Variants in SH3PXD2A observed in about 807,000 individuals in gnomAD.
SH3PXD2A encodes the protein SH3 and PX domains 2A.
SH3PXD2A carries 32 observed loss-of-function variants against 115.2 expected under a neutral mutation model. The ratio of observed to expected loss-of-function variants is 0.28; its 90% CI spans 0.21 to 0.37. The LOEUF (loss-of-function observed/expected upper bound fraction) is 0.37. Ranked by LOEUF, SH3PXD2A falls within the 10% of genes least tolerant of loss-of-function variation. SH3PXD2A has a pLI of 1.00. For missense variants in SH3PXD2A, 1,328 were observed against 1,498.7 expected (o/e 0.89, Z 1.88); for synonymous variants, 610 against 629.1 (o/e 0.97, Z 0.45).
At chr10:103,610,113 A>C (rs1422085630) in intron 13 of SH3PXD2A, 1 of 152,284 alleles carries the variant, frequency 6.6e-6, no homozygotes, top group African/African-American at 2.4e-5. Flanking sequence ...TGCATGTCCT[A>C]ACCCCACCAG....
chr10:103,642,055 T>G (rs1315291888), intron 8 of SH3PXD2A, among the ~76,000 whole-genome samples: 4 of 152,092 alleles, frequency 2.6e-5, no homozygotes, highest in African/African-American at 9.7e-5. Context: ...CAAAATGTAC[T>G]TAATACCCCC....
intron 2 of SH3PXD2A, among the ~76,000 whole-genome samples, chr10:103,779,399 C>T (rs1263027222): frequency 6.6e-6 from 1 of 152,224 alleles, no homozygotes; most frequent in Non-Finnish European, 1.5e-5. Context: ...CCCCGTGTGC[C>T]AGCCCCGGCT....
chr10:103,772,368 C>T (rs1394762448), intron 2 of SH3PXD2A, among the ~76,000 whole-genome samples: 4 of 152,194 alleles, frequency 2.6e-5, no homozygotes, highest in African/African-American at 9.6e-5. Context: ...GAAGGCTGGG[C>T]GCGGGGGCGG....
intron 1 of SH3PXD2A, among the ~76,000 whole-genome samples, chr10:103,825,985 A>G (rs895556409): frequency 8.6e-5 from 13 of 152,008 alleles, no homozygotes; most frequent in Non-Finnish European, 1.6e-4. Context: ...GGATGGTCTC[A>G]ATCTCCTGAC....
intron 5 of SH3PXD2A, among the ~76,000 whole-genome samples, chr10:103,716,252 C>T (rs2038103655): frequency 6.6e-6 from 1 of 152,190 alleles, no homozygotes; most frequent in African/African-American, 2.4e-5. Context: ...CCCCTTTTGG[C>T]CTGCCCTGGG....
chr10:103,691,105 G>T (rs575465379), intron 6 of SH3PXD2A, among the ~76,000 whole-genome samples: 18 of 151,832 alleles, frequency 1.2e-4, no homozygotes, highest in South Asian at 2.1e-4. Flanking sequence ...ATTTGTTCCA[G>T]CTCTTGCCTT....
chr10:103,662,390 T>TC (rs996518185), intron 7 of SH3PXD2A, among the ~76,000 whole-genome samples: 11 of 121,646 alleles, frequency 9.0e-5, no homozygotes, highest in South Asian at 3.0e-4. Flanking sequence ...GATGTGCTTT[T>TC]TTTTTTTTTT....
At chr10:103,823,837 G>A (rs983920747) in intron 1 of SH3PXD2A, among the ~76,000 whole-genome samples, 13 of 152,206 alleles carry the variant, frequency 8.5e-5, no homozygotes, top group Non-Finnish European at 1.6e-4. Context: ...GCTGAGATGA[G>A]GGAAAGAAGG....
At chr10:103,646,257 CCCCATTCCCTTCCTGT>C (rs1296848431) in intron 8 of SH3PXD2A, among the ~76,000 whole-genome samples, 3 of 152,126 alleles carry the variant, frequency 2.0e-5, no homozygotes, top group African/African-American at 7.2e-5. Context: ...CGGCTTCCTG[CCCCATTCCCTTCCTGT>C]CTCTTTTGCC....
At chr10:103,650,228 C>T (rs910874812) in intron 8 of SH3PXD2A, among the ~76,000 whole-genome samples, 62 of 152,120 alleles carry the variant, frequency 4.1e-4, no homozygotes, top group Admixed American at 4.6e-4. Flanking sequence ...TCCCCCTCCT[C>T]CCCTCACCTG....
intron 6 of SH3PXD2A, among the ~76,000 whole-genome samples, chr10:103,669,827 G>A (rs1057451173): frequency 6.6e-6 from 1 of 152,266 alleles, no homozygotes; most frequent in Non-Finnish European, 1.5e-5. Context: ...CCCATTCAGA[G>A]AGTACTGATA....
intron 8 of SH3PXD2A, among the ~76,000 whole-genome samples, chr10:103,650,916 C>T (rs1564854070): frequency 6.6e-6 from 1 of 152,236 alleles, no homozygotes; most frequent in Non-Finnish European, 1.5e-5. Flanking sequence ...TGCCTCTTGT[C>T]CACGTGCACC....
chr10:103,729,412 A>G (rs570519829), intron 4 of SH3PXD2A, among the ~76,000 whole-genome samples: 9 of 152,388 alleles, frequency 5.9e-5, no homozygotes, highest in African/African-American at 2.2e-4. Flanking sequence ...CTAACTAAAC[A>G]GCACCATCAC....
At chr10:103,700,457 C>T (rs2037879315) in intron 5 of SH3PXD2A, among the ~76,000 whole-genome samples, 1 of 152,166 alleles carries the variant, frequency 6.6e-6, no homozygotes, top group East Asian at 1.9e-4. Flanking sequence ...GACTGCCTAC[C>T]TTCTCAGTGT....
At chr10:103,851,369 C>T (rs1842895415) in intron 1 of SH3PXD2A, among the ~76,000 whole-genome samples, 3 of 152,252 alleles carry the variant, frequency 2.0e-5, no homozygotes, top group South Asian at 4.1e-4. Flanking sequence ...GACCCGCCTG[C>T]GTTGCCCACC....
At chr10:103,838,231 G>A (rs2039564566) in intron 1 of SH3PXD2A, among the ~76,000 whole-genome samples, 1 of 152,174 alleles carries the variant, frequency 6.6e-6, no homozygotes. Context: ...CAGGCCCCAG[G>A]GGCTCTGGGC....
intron 4 of SH3PXD2A, among the ~76,000 whole-genome samples, chr10:103,727,233 C>T (rs1038163866): frequency 6.6e-6 from 1 of 152,154 alleles, no homozygotes; most frequent in Non-Finnish European, 1.5e-5. Context: ...CAGAATCCAG[C>T]CCCAAGCTGT....
intron 1 of SH3PXD2A, among the ~76,000 whole-genome samples, chr10:103,814,014 AAC>A (rs1491065071): frequency 0.01 from 1,372 of 134,962 alleles, 31 homozygotes; most frequent in African/African-American, 0.034. Context: ...AAAAAAAAAA[AAC>A]AACAAAAAAA....
At chr10:103,633,649 A>G in intron 8 of SH3PXD2A, among the ~76,000 whole-genome samples, 2 of 137,334 alleles carry the variant, frequency 1.5e-5, no homozygotes, top group South Asian at 2.4e-4. Context: ...AATCGCTTGA[A>G]CCCGGGAGGT....
Sources: gnomAD v4.1 joint callset for allele counts (sites outside exome capture counted in the v4.1 genomes callset) on GRCh38, gnomAD v4.1.1 for gene constraint, MANE v1.5 for transcripts, NCBI Gene and HGNC (gene_info 2026-07-23, HGNC 2026-07-21) for gene names.